The following DNAJC13 variants were observed in gnomAD, a reference collection of about 807,000 sequenced individuals.
The protein encoded by DNAJC13 is DnaJ heat shock protein family (Hsp40) member C13, also known as dnaJ homolog subfamily C member 13.
In DNAJC13, 75 loss-of-function variants were observed where a neutral mutation model predicts 290.5. The ratio of observed to expected loss-of-function variants is 0.26; its 90% CI spans 0.21 to 0.31. DNAJC13 has a LOEUF of 0.31. Among genes scored for constraint, DNAJC13 ranks in the 10% least tolerant of loss-of-function variants. The pLI is 1.00. For synonymous variants in DNAJC13, 862 were observed against 892.0 expected (o/e 0.97, Z 0.60); for missense variants, 2,260 against 2,674.5 (o/e 0.85, Z 3.42).
intron 36 of DNAJC13, among the ~76,000 whole-genome samples, chr3:132,498,390 A>G (rs1935300566): frequency 1.3e-5 from 2 of 152,088 alleles, no homozygotes; most frequent in Admixed American, 1.3e-4. Context: ...TTTCTTTATA[A>G]AGATGTGCAT....
Position 132,462,542 on chromosome 3 carries a change from A to C in DNAJC13, c.1770+19A>C, listed in dbSNP as rs770344471. 1.9e-5 allele frequency: 30 copies of C among 1,579,694 alleles called. No individual in the cohort carries two copies. In the Admixed American group the frequency reaches 5.0e-4, roughly 26 times the overall value. Reference sequence around the variant, plus strand: ...AATAGAGGTGAGAGAACAATTTTGAAATTTTAACCTTACTTGAATGTTGAT... The same window carrying C: ...AATAGAGGTGAGAGAACAATTTTGACATTTTAACCTTACTTGAATGTTGAT... On this transcript the variant is annotated intron_variant, in intron 16 of 55. Transcript: ENST00000260818.
chr3:132,431,462 G>T (rs925735369), intron 1 of DNAJC13, among the ~76,000 whole-genome samples: 1 of 152,124 alleles, frequency 6.6e-6, no homozygotes, highest in Non-Finnish European at 1.5e-5. Context: ...GGTGACATTT[G>T]AACACAGATT....
intron 51 of DNAJC13, 72 bp downstream of exon 51, chr3:132,523,785 T>TTA (rs1171949577): frequency 8.3e-6 from 12 of 1,445,478 alleles, no homozygotes; most frequent in Non-Finnish European, 9.3e-7. Flanking sequence ...TCTTACAACC[T>TTA]TATTCACAAA....
In DNAJC13 at chr3:132,484,806, C is replaced by T. The variant is rs1023653238; in HGVS notation, c.3267+134C>T. ...TAAATAGGCCAGGTGTGGAGTCTCA[C>T]ACCTCCAATCCCAGCACTTTGGGAG... On this transcript the variant is annotated intron_variant, in intron 29 of 55. Transcript: ENST00000260818. 14 of 760,040 alleles carry T rather than the reference C, an allele frequency of 1.8e-5. No individual in the cohort carries two copies. The Middle Eastern group carries it at 1.5e-3, about 82-fold the overall frequency. The allele number at this position is 760,040 out of a possible 1,614,324, so 47.1% of individuals were successfully genotyped here.
rs371989326 is a variant in DNAJC13 at position 132,456,420 on chromosome 3, G to A, written c.1099+19G>A. ...CCTCCAAGTAAGTATTGATTTAAAT[G>A]TAATTACATTTCCACTCATCTACTT... is the stretch of plus-strand genomic sequence containing the variant. On this transcript the variant is annotated intron_variant, in intron 10 of 55. Coordinates refer to ENST00000260818, the MANE Select transcript of DNAJC13 (RefSeq NM_015268.4). 3.7e-4 allele frequency: 594 copies of A among 1,611,212 alleles called. 3 individuals are homozygous for A. Among genetic ancestry groups the A allele is most frequent in the South Asian group, 1.5e-3 (135 of 90,512 alleles).
chr3:132,488,989 A>C lies in DNAJC13; in HGVS notation c.3436A>C (p.Thr1146Pro). 1 of 1,609,684 alleles carries C rather than the reference A, an allele frequency of 6.2e-7. No homozygotes were observed. Among genetic ancestry groups the C allele is most frequent in the Non-Finnish European group, 8.5e-7 (1 of 1,176,486 alleles). Residue 1146 changes from threonine (T) to proline (P), a missense_variant, in exon 31 of 56, where the codon ACA becomes CCA. Thr to Pro is a conservative substitution (Grantham distance 38, BLOSUM62 -1). This residue lies in a region of DNAJC13 where 1,494 missense variants were observed against 1,693.7 expected (regional missense o/e 0.88). Transcript: ENST00000260818. ...VLPVARFLKY[T>P]HTKQAFKSEE... ...TTTTCTTTCTAGATTTTTGAAATAC[A>C]CACATACCAAACAGGCTTTCAAGTC...
At chr3:132,523,074 C>T in intron 49 of DNAJC13, 77 bp downstream of exon 49, 1 of 1,602,578 alleles carries the variant, frequency 6.2e-7, no homozygotes, top group Non-Finnish European at 8.5e-7. Flanking sequence ...TTACTGTGCC[C>T]ATCACCTCTA....
intron 1 of DNAJC13, among the ~76,000 whole-genome samples, chr3:132,427,173 C>G (rs1047681162): frequency 3.4e-5 from 5 of 146,286 alleles, no homozygotes; most frequent in African/African-American, 1.0e-4. Flanking sequence ...ACTCTGTCTC[C>G]CAGGCTCGAG....
chr3:132,480,567 A>C (rs576128526), intron 26 of DNAJC13, 97 bp downstream of exon 26: 1 of 906,126 alleles, frequency 1.1e-6, no homozygotes, highest in Admixed American at 2.4e-5. Flanking sequence ...GTGGTCACAC[A>C]CTTATTTTTC....
intron 45 of DNAJC13, among the ~76,000 whole-genome samples, chr3:132,514,126 G>A (rs536896930): frequency 3.9e-4 from 60 of 152,242 alleles, no homozygotes; most frequent in Admixed American, 2.6e-3. Flanking sequence ...ATGATGTTTA[G>A]ATGTATACTC....
intron 44 of DNAJC13, among the ~76,000 whole-genome samples, chr3:132,512,528 A>G (rs1043672555): frequency 3.3e-5 from 5 of 152,152 alleles, no homozygotes; most frequent in African/African-American, 1.2e-4. Context: ...ATACCATTTC[A>G]TTTTATGTAT....
At chr3:132,486,804 A>G (rs1429372854) in intron 29 of DNAJC13, among the ~76,000 whole-genome samples, 1 of 152,110 alleles carries the variant, frequency 6.6e-6, no homozygotes, top group Non-Finnish European at 1.5e-5. Context: ...AGAGCTTCAG[A>G]ATTTTTAGAG....
chr3:132,469,819 G>A (rs1045203909), intron 20 of DNAJC13, among the ~76,000 whole-genome samples: 16 of 151,510 alleles, frequency 1.1e-4, no homozygotes, highest in Admixed American at 6.6e-5. Flanking sequence ...ATGTCGTCTA[G>A]TCTGGGGTTT....
intron 16 of DNAJC13, 67 bp from the exon 17 acceptor site, chr3:132,463,628 GT>G: frequency 6.7e-7 from 1 of 1,502,742 alleles, no homozygotes; most frequent in Non-Finnish European, 8.9e-7. Flanking sequence ...TGTAAAATTA[GT>G]TTTTTAAAGT....
At chr3:132,506,541 C>CTT (rs34151394) in intron 42 of DNAJC13, among the ~76,000 whole-genome samples, 741 of 54,740 alleles carry the variant, frequency 0.014, 246 homozygotes, top group Non-Finnish European at 0.015. Context: ...CAGTGTATTA[C>CTT]TTTTTTTTTT....
At chr3:132,422,887 C>T (rs1194896813) in intron 1 of DNAJC13, among the ~76,000 whole-genome samples, 1 of 152,090 alleles carries the variant, frequency 6.6e-6, no homozygotes, top group Non-Finnish European at 1.5e-5. Context: ...CTCAAGTTGC[C>T]CTTAGAAGAA....
chr3:132,480,354 G>A lies in DNAJC13; in HGVS notation c.2773-15G>A. On this transcript the variant is annotated splice_polypyrimidine_tract_variant and intron_variant, in intron 25 of 55. Transcript: ENST00000260818. ...AAAATGTTTAGATTACGAAAAAAAT[G>A]TTTTCCTCTTCCAGAAAAATGTTAA... 1.9e-6 allele frequency: 3 copies of A among 1,587,204 alleles called. No homozygotes were observed. The highest frequency in any genetic ancestry group is 2.6e-6 in the Non-Finnish European group (3 of 1,156,868).
chr3:132,445,298 A>G (rs1273813468), intron 2 of DNAJC13, among the ~76,000 whole-genome samples: 1 of 152,182 alleles, frequency 6.6e-6, no homozygotes, highest in Non-Finnish European at 1.5e-5. Flanking sequence ...TTCAATAAAT[A>G]TAACAAATTA....
chr3:132,471,939 A>G (rs1348445025), intron 20 of DNAJC13, among the ~76,000 whole-genome samples: 15 of 144,388 alleles, frequency 1.0e-4, no homozygotes, highest in African/African-American at 1.8e-4. Flanking sequence ...ACGCCACTGC[A>G]CTCCAGCCTG....
Sources: gnomAD v4.1 joint callset for allele counts (sites outside exome capture counted in the v4.1 genomes callset) on GRCh38, gnomAD v4.1.1 for gene constraint, gnomAD v4.1.1 regional missense constraint, MANE v1.5 for transcripts, NCBI Gene and HGNC (gene_info 2026-07-23, HGNC 2026-07-21) for gene names.